MTHFD1L: variants seen among roughly 807,000 people sequenced by gnomAD.
The protein encoded by MTHFD1L is monofunctional C1-tetrahydrofolate synthase, mitochondrial.
A neutral mutation model predicts 119.5 loss-of-function variants in MTHFD1L; 81 were observed. The ratio of observed to expected loss-of-function variants is 0.68; its 90% CI spans 0.57 to 0.82. MTHFD1L has a LOEUF of 0.82. Among genes scored for constraint, MTHFD1L ranks in the 40% least tolerant of loss-of-function variants. MTHFD1L has a pLI of 0.00. For synonymous variants in MTHFD1L, 430 were observed against 475.2 expected, an observed-to-expected ratio of 0.90 and a Z score of 1.24; for missense variants, 1,125 against 1,253.4, an observed-to-expected ratio of 0.90 and a Z score of 1.55.
At chr6:150,966,189 A>G (rs968176183) in intron 19 of MTHFD1L, among the ~76,000 whole-genome samples, 1 of 152,148 alleles carries the variant, frequency 6.6e-6, no homozygotes, top group Non-Finnish European at 1.5e-5. Flanking sequence ...GTAATTTAAG[A>G]AGAAAATTGG....
chr6:150,950,328 G>A (rs1222144408), intron 16 of MTHFD1L, among the ~76,000 whole-genome samples: 3 of 152,176 alleles, frequency 2.0e-5, no homozygotes, highest in Non-Finnish European at 2.9e-5. Context: ...TCCTGCCTAG[G>A]CCAGTGTTGC....
At chr6:150,900,025 A>G (rs1784876649) in intron 7 of MTHFD1L, among the ~76,000 whole-genome samples, 1 of 148,232 alleles carries the variant, frequency 6.7e-6, no homozygotes, top group African/African-American at 2.4e-5. Context: ...TTATATATTT[A>G]TATTTTTATA....
chr6:150,885,811 GGAA>G, intron 6 of MTHFD1L, 77 bp downstream of exon 6: 3 of 1,187,612 alleles, frequency 2.5e-6, no homozygotes, highest in Non-Finnish European at 3.6e-6. Context: ...ATTTGTTTGG[GGAA>G]GAATTAAAAA....
Position 151,018,404 on chromosome 6 carries a change from G to A in MTHFD1L, c.2586+2711G>A, listed in dbSNP as rs887457577. Among the ~76,000 whole-genome samples, 9 of 152,268 alleles carry A rather than the reference G, an allele frequency of 5.9e-5. No homozygotes were observed. The South Asian group carries it at 6.2e-4, about 11-fold the overall frequency. On this transcript the variant is annotated intron_variant, in intron 24 of 27. Coordinates refer to ENST00000367321, the MANE Select transcript of MTHFD1L (RefSeq NM_015440.5). ...AATATTTAATATTACCACAGCTCTC[G>A]CTTTTAAGGAGTTGTTTGTGAGCTG...
At chr6:151,099,553 C>A in intron 27 of MTHFD1L, 1 of 1,604,910 alleles carries the variant, frequency 6.2e-7, no homozygotes. Flanking sequence ...CCTTGTGAAG[C>A]CCAAGATCGT....
At chr6:150,959,203 A>G in intron 17 of MTHFD1L, 3 of 984,826 alleles carry the variant, frequency 3.0e-6, no homozygotes, top group Non-Finnish European at 3.6e-6. Flanking sequence ...CTCAACCAGG[A>G]AGTAGCCAGA....
intron 9 of MTHFD1L, 50 bp from the exon 10 acceptor site, chr6:150,922,155 C>A: frequency 7.5e-7 from 1 of 1,338,778 alleles, no homozygotes; most frequent in Non-Finnish European, 1.1e-6. Flanking sequence ...AGTGTGTGCC[C>A]TGTCAGCTTT....
At chr6:150,980,617 C>T (rs1777328592) in intron 20 of MTHFD1L, among the ~76,000 whole-genome samples, 1 of 150,616 alleles carries the variant, frequency 6.6e-6, no homozygotes, top group African/African-American at 2.4e-5. Context: ...GTGGCGCATG[C>T]CTATAGTCCT....
At chr6:150,996,739 AC>A (rs2128457030) in intron 20 of MTHFD1L, among the ~76,000 whole-genome samples, 1 of 152,112 alleles carries the variant, frequency 6.6e-6, no homozygotes, top group East Asian at 1.9e-4. Flanking sequence ...TGGGTTGGAG[AC>A]CTAAGCTGGG....
At chr6:150,873,354 G>A (rs1779861078) in intron 1 of MTHFD1L, among the ~76,000 whole-genome samples, 1 of 152,140 alleles carries the variant, frequency 6.6e-6, no homozygotes, top group Non-Finnish European at 1.5e-5. Context: ...AACTATGAAT[G>A]GATCAAGACT....
intron 26 of MTHFD1L, among the ~76,000 whole-genome samples, chr6:151,043,529 C>T (rs1787472472): frequency 6.6e-6 from 1 of 152,074 alleles, no homozygotes; most frequent in Admixed American, 6.6e-5. Flanking sequence ...GGCCATCTCT[C>T]ACAGTGTTTT....
At chr6:150,904,181 A>C (rs1785512782) in intron 7 of MTHFD1L, among the ~76,000 whole-genome samples, 1 of 152,156 alleles carries the variant, frequency 6.6e-6, no homozygotes, top group Non-Finnish European at 1.5e-5. Flanking sequence ...ATCTTTAATG[A>C]TCAGCCTGTC....
At chr6:151,082,262 G>T (rs17080741) in intron 26 of MTHFD1L, among the ~76,000 whole-genome samples, 41,710 of 151,964 alleles carry the variant, frequency 0.27, 5,888 homozygotes, top group South Asian at 0.44. Context: ...GCATCTTCTT[G>T]GGCTGCACAA....
chr6:151,013,935 G>T (rs558314693), intron 22 of MTHFD1L, 115 bp downstream of exon 22: 1 of 878,650 alleles, frequency 1.1e-6, no homozygotes, highest in East Asian at 2.6e-5. Context: ...TGTTCTGTCC[G>T]GGCGCAGTGA....
intron 16 of MTHFD1L, among the ~76,000 whole-genome samples, chr6:150,952,951 A>C (rs1019379744): frequency 6.6e-6 from 1 of 152,184 alleles, no homozygotes; most frequent in Non-Finnish European, 1.5e-5. Context: ...AAATATAGAC[A>C]TACAGCCATT....
intron 26 of MTHFD1L, among the ~76,000 whole-genome samples, chr6:151,088,810 A>G (rs1794097534): frequency 6.6e-6 from 1 of 152,146 alleles, no homozygotes; most frequent in South Asian, 2.1e-4. Flanking sequence ...TAGAAGATTC[A>G]TGTTCCGATC....
intron 5 of MTHFD1L, among the ~76,000 whole-genome samples, chr6:150,885,249 T>G (rs898397283): frequency 6.7e-6 from 1 of 149,156 alleles, no homozygotes; most frequent in Non-Finnish European, 1.5e-5. Context: ...CAGGCTGGAG[T>G]GCAGTGGCAT....
intron 20 of MTHFD1L, among the ~76,000 whole-genome samples, chr6:150,980,554 G>T (rs1009011455): frequency 6.6e-6 from 1 of 152,076 alleles, no homozygotes. Flanking sequence ...ACATGTCGCT[G>T]TGTGTCCTTT....
intron 26 of MTHFD1L, among the ~76,000 whole-genome samples, chr6:151,084,986 T>A (rs3860808): frequency 0.2 from 19,030 of 96,738 alleles, 1,513 homozygotes; most frequent in African/African-American, 0.28. Flanking sequence ...AAAAAAAAAA[T>A]ATATATATAT....
Sources: allele counts gnomAD v4.1 joint callset (sites outside exome capture counted in the v4.1 genomes callset), GRCh38; gene constraint gnomAD v4.1.1; transcripts MANE v1.5; gene names NCBI Gene and HGNC (gene_info 2026-07-23, HGNC 2026-07-21).